MTUS2: variants seen among roughly 807,000 people sequenced by gnomAD.
MTUS2 encodes the protein microtubule associated scaffold protein 2.
In MTUS2, 40 loss-of-function variants were observed where a neutral mutation model predicts 114.1. The observed-to-expected ratio is 0.35, with a 90% CI of 0.27 to 0.46. The LOEUF (loss-of-function observed/expected upper bound fraction) is 0.46, where lower values mean the gene tolerates loss of function less well. MTUS2 is among the 20% of genes least tolerant of loss of function. The pLI, the probability that MTUS2 is intolerant of heterozygous loss-of-function variation, is 1.00. For missense variants in MTUS2, 1,679 were observed against 1,705.4 expected, an observed-to-expected ratio of 0.98 and a Z score of 0.27; for synonymous variants, 688 against 672.0, an observed-to-expected ratio of 1.02 and a Z score of -0.37.
At position 29,025,843 on chromosome 13, in the gene MTUS2, G is replaced by A. The variant is rs778613825; in HGVS notation, c.1145G>A (p.Arg382Lys). ...GGAAGAGGCAACTGTGAAGAGAAGA[G>A]AGGAGTCAACCCAGGGGAGCAGGAT... ...GVGRGNCEEK[R>K]GVNPGEQDSL... Residue 382 changes from arginine (R) to lysine (K), a missense_variant, in exon 3 of 16, where the codon AGA (arginine) becomes AAA (lysine). Coordinates refer to ENST00000612955, the MANE Select transcript of MTUS2 (RefSeq NM_001033602.4). The A allele has an allele frequency of 8.7e-6, 14 of 1,613,532 alleles. No individual in the cohort carries two copies. The Admixed American group carries it at 2.3e-4, about 27-fold the overall frequency.
chr13:29,119,342 A>G (rs947807791), intron 5 of MTUS2, among the ~76,000 whole-genome samples: 19 of 152,190 alleles, frequency 1.2e-4, no homozygotes, highest in African/African-American at 4.3e-4. Context: ...GACCTTGTGG[A>G]CACTGCATAA....
chr13:29,016,054 G>A (rs1253147155), intron 2 of MTUS2, among the ~76,000 whole-genome samples: 1 of 151,862 alleles, frequency 6.6e-6, no homozygotes, highest in Non-Finnish European at 1.5e-5. Flanking sequence ...ACAGGTTTGC[G>A]CCACCACACC....
rs781365703 is a variant in MTUS2 at position 29,026,275 on chromosome 13, C to T, written c.1577C>T (p.Ala526Val). 2 of 1,613,964 alleles carry T rather than the reference C, an allele frequency of 1.2e-6. No homozygotes were observed. Among genetic ancestry groups the T allele is most frequent in the South Asian group, 2.2e-5 (2 of 91,076 alleles). Residue 526 changes from alanine (A) to valine (V), a missense_variant, in exon 3 of 16, where the codon GCA becomes GTA. By Grantham distance (64) the Ala-to-Val change is moderately conservative (BLOSUM62 0). This residue lies in a region of MTUS2 where 843 missense variants were observed against 770.8 expected (regional missense o/e 1.09). Transcript: ENST00000612955. ...AAGATTGAAAGCACCTCAGCAAGAGCAGATTCAGTTCTCAATATTCCAGCA... is the reference window on the plus strand; with the variant it reads ...AAGATTGAAAGCACCTCAGCAAGAGTAGATTCAGTTCTCAATATTCCAGCA... ...ADKIESTSAR[A>V]DSVLNIPAPL... is the part of the protein sequence containing the mutation.
chr13:29,218,258 A>G (rs567802627), intron 5 of MTUS2, among the ~76,000 whole-genome samples: 34 of 143,726 alleles, frequency 2.4e-4, no homozygotes, highest in South Asian at 2.4e-4. Flanking sequence ...GCAACTCCCT[A>G]TCTGTTTATG....
At chr13:29,191,262 A>T (rs572652691) in intron 5 of MTUS2, among the ~76,000 whole-genome samples, 11 of 152,248 alleles carry the variant, frequency 7.2e-5, no homozygotes, top group African/African-American at 2.6e-4. Flanking sequence ...TCAGTCTCTT[A>T]GTGGCTTCAA....
chr13:29,466,467 G>T (rs1267303613), intron 9 of MTUS2, among the ~76,000 whole-genome samples: 1 of 152,176 alleles, frequency 6.6e-6, no homozygotes, highest in East Asian at 1.9e-4. Context: ...GAGAAGCTGG[G>T]ATGAGTTGAT....
chr13:29,413,348 A>T (rs1283239710), intron 8 of MTUS2, among the ~76,000 whole-genome samples: 4 of 151,808 alleles, frequency 2.6e-5, no homozygotes, highest in Admixed American at 2.6e-4. Context: ...AACCATAAAA[A>T]CCCTAGAAGA....
intron 2 of MTUS2, among the ~76,000 whole-genome samples, chr13:28,850,950 C>A (rs1455385326): frequency 1.5e-4 from 23 of 152,148 alleles, no homozygotes; most frequent in Admixed American, 1.5e-3. Context: ...AAAATTTCCC[C>A]TTTTTGTGTG....
At chr13:29,084,503 T>G (rs1889583691) in intron 4 of MTUS2, among the ~76,000 whole-genome samples, 1 of 150,516 alleles carries the variant, frequency 6.6e-6, no homozygotes, top group African/African-American at 2.4e-5. Context: ...CTCTTTCTCT[T>G]TTTCCTTTCC....
rs187587279 is a variant in MTUS2 at position 29,361,901 on chromosome 13, G to T, written c.3117+2428G>T. Reference sequence around the variant, plus strand: ...ACACTGTAGCATATTTATCTGCACAGCATGCTCTGGTGGAGAGAGGACGCA... The same window carrying T: ...ACACTGTAGCATATTTATCTGCACATCATGCTCTGGTGGAGAGAGGACGCA... On this transcript the variant is annotated intron_variant, in intron 8 of 15. Coordinates refer to ENST00000612955, the MANE Select transcript of MTUS2 (RefSeq NM_001033602.4). Among the ~76,000 whole-genome samples the T allele has an allele frequency of 4.6e-5, 7 of 152,322 alleles. No homozygotes were observed. In the East Asian group the frequency reaches 1.4e-3, roughly 29 times the overall value.
At chr13:29,470,837 T>C (rs1327126037) in intron 9 of MTUS2, among the ~76,000 whole-genome samples, 7 of 152,180 alleles carry the variant, frequency 4.6e-5, no homozygotes, top group Non-Finnish European at 1.0e-4. Context: ...TCTTAAGACC[T>C]TGGTACTTGC....
At chr13:29,076,378 G>C (rs1889192861) in intron 4 of MTUS2, among the ~76,000 whole-genome samples, 1 of 152,182 alleles carries the variant, frequency 6.6e-6, no homozygotes, top group Admixed American at 6.5e-5. Flanking sequence ...ACGCTTAGAT[G>C]CTGAAAACTG....
chr13:29,170,780 C>T (rs1893523296), intron 5 of MTUS2, among the ~76,000 whole-genome samples: 1 of 152,208 alleles, frequency 6.6e-6, no homozygotes, highest in South Asian at 2.1e-4. Flanking sequence ...CAGCCCTGGA[C>T]AGTGACAGAT....
At position 29,459,231 on chromosome 13, in the gene MTUS2, C is replaced by T. The variant is rs564420539; in HGVS notation, c.3184+19182C>T. ...CAAAATAAAGAAAGGGAGATGAGGA[C>T]GGCGGGGGTATTTAAAAGTTGAACC... On this transcript the variant is annotated intron_variant, in intron 9 of 15. Coordinates refer to ENST00000612955, the MANE Select transcript of MTUS2 (RefSeq NM_001033602.4). 2.6e-5 allele frequency among the ~76,000 whole-genome samples: 4 copies of T among 152,230 alleles called. No homozygotes were observed. In the South Asian group the frequency reaches 8.3e-4, roughly 32 times the overall value.
intron 2 of MTUS2, among the ~76,000 whole-genome samples, chr13:28,880,863 T>G (rs1427538664): frequency 6.6e-6 from 1 of 152,106 alleles, no homozygotes; most frequent in Non-Finnish European, 1.5e-5. Context: ...AAAGGTGGAG[T>G]TCTAGAATAG....
intron 2 of MTUS2, among the ~76,000 whole-genome samples, chr13:28,892,710 C>T (rs1009660093): frequency 6.6e-6 from 1 of 152,112 alleles, no homozygotes; most frequent in Non-Finnish European, 1.5e-5. Context: ...CCCTTATCTC[C>T]TGATTTCTGT....
At chr13:29,150,226 C>T (rs1004892573) in intron 5 of MTUS2, among the ~76,000 whole-genome samples, 2 of 152,034 alleles carry the variant, frequency 1.3e-5, no homozygotes, top group African/African-American at 4.8e-5. Context: ...TGAAGAGATC[C>T]TTCACTTCCC....
At chr13:29,360,984 T>C (rs942127794) in intron 8 of MTUS2, among the ~76,000 whole-genome samples, 1 of 152,310 alleles carries the variant, frequency 6.6e-6, no homozygotes, top group South Asian at 2.1e-4. Context: ...GATATTGATA[T>C]AATATATTGA....
intron 2 of MTUS2, among the ~76,000 whole-genome samples, chr13:28,861,439 CTTTTTTT>C (rs11462684): frequency 7.2e-6 from 1 of 139,460 alleles, no homozygotes; most frequent in Admixed American, 7.1e-5. Context: ...CTGTTTTTTT[CTTTTTTT>C]TTTTTTTTTA....
Sources: gnomAD v4.1 joint callset for allele counts (sites outside exome capture counted in the v4.1 genomes callset) on GRCh38, gnomAD v4.1.1 for gene constraint, gnomAD v4.1.1 regional missense constraint, MANE v1.5 for transcripts, NCBI Gene and HGNC (gene_info 2026-07-23, HGNC 2026-07-21) for gene names.